Variants in NSF observed in about 807,000 individuals in gnomAD.
NSF encodes N-ethylmaleimide sensitive factor, vesicle fusing ATPase.
NSF carries 14 observed loss-of-function variants against 50.3 expected under a neutral mutation model. The observed-to-expected ratio is 0.28, with a 90% CI of 0.18 to 0.44. The LOEUF is 0.44. Ranked by LOEUF, NSF falls within the 20% of genes least tolerant of loss-of-function variation. The pLI, the probability that NSF is intolerant of heterozygous loss-of-function variation, is 1.00. For synonymous variants in NSF, 109 were observed against 175.7 expected, an observed-to-expected ratio of 0.62 and a Z score of 3.00; for missense variants, 218 against 504.3, an observed-to-expected ratio of 0.43 and a Z score of 5.44.
At chr17:46,723,478 A>G (rs1189487378) in intron 15 of NSF, among the ~76,000 whole-genome samples, 1 of 152,228 alleles carries the variant, frequency 6.6e-6, no homozygotes, top group African/African-American at 2.4e-5. Context: ...ACCAACTCAA[A>G]GCCAAAAGGA....
At chr17:46,749,675 A>G in intron 17 of NSF, 98 bp from the exon 18 acceptor site, 1 of 1,167,478 alleles carries the variant, frequency 8.6e-7, no homozygotes, top group South Asian at 1.9e-5. Context: ...CATCGGCAAG[A>G]TTAAATAAAA....
At chr17:46,711,827 T>G (rs2058722470) in intron 14 of NSF, among the ~76,000 whole-genome samples, 1 of 152,148 alleles carries the variant, frequency 6.6e-6, no homozygotes, top group African/African-American at 2.4e-5. Flanking sequence ...ATGAGGAGAC[T>G]CTGGCCAGCC....
intron 17 of NSF, among the ~76,000 whole-genome samples, chr17:46,739,540 G>A (rs2059047495): frequency 1.3e-5 from 2 of 151,398 alleles, no homozygotes; most frequent in East Asian, 1.9e-4. Context: ...ACCTTGTCTC[G>A]AAAAAAACAC....
rs554625542 is a variant in NSF, at chr17:46,609,770, G to A, written c.13-14474G>A. The stretch of plus-strand genomic sequence containing the variant: ...GGATGTAAGTCCGTAAGATCATGCA[G>A]CATTGAAGATGTGCAGTTTACTAGA... On this transcript the variant is annotated intron_variant, in intron 1 of 20. Transcript: ENST00000398238. Among the ~76,000 whole-genome samples, 164 of 143,810 alleles carry A rather than the reference G, an allele frequency of 1.1e-3. 5 individuals carry two copies. Among genetic ancestry groups the A allele is most frequent in the Middle Eastern group, 0.011 (3 of 284 alleles). The allele number at this position is 143,810 out of a possible 152,430, so 94.3% of individuals were successfully genotyped here. A position where few individuals can be genotyped will look rare whatever the true frequency, so the allele number is the denominator to read the frequency against.
intron 17 of NSF, among the ~76,000 whole-genome samples, chr17:46,735,600 G>A (rs1208560230): frequency 6.6e-6 from 1 of 152,046 alleles, no homozygotes; most frequent in African/African-American, 2.4e-5. Flanking sequence ...TACCTACTCT[G>A]TTGAGGGTCA....
chr17:46,742,927 G>T (rs141514460), intron 17 of NSF, among the ~76,000 whole-genome samples: 1 of 152,284 alleles, frequency 6.6e-6, no homozygotes, highest in African/African-American at 2.4e-5. Flanking sequence ...TTTCAAGAAT[G>T]AAGCCAGGTT....
At chr17:46,755,650 T>G in intron 20 of NSF, 152 bp from the exon 21 acceptor site, 1 of 828,362 alleles carries the variant, frequency 1.2e-6, no homozygotes, top group South Asian at 1.8e-5. Flanking sequence ...GACCATTTTC[T>G]TTTGTGAAGT....
chr17:46,720,739 T>C lies in NSF; in HGVS notation c.1762-5810T>C, dbSNP rs187160702. ...ATTCCTACAGTCATCAGATTTCTAC[T>C]AACTAGGTACTTCACGCCAAGTACT... On this transcript the variant is annotated intron_variant, in intron 15 of 20. Transcript: ENST00000398238. Among the ~76,000 whole-genome samples the C allele has an allele frequency of 2.0e-5, 3 of 152,336 alleles. No individual in the cohort carries two copies. In the East Asian group the frequency reaches 5.8e-4, roughly 29 times the overall value.
At position 46,755,924 on chromosome 17, in the gene NSF, C is replaced by T. The variant is rs1387590081; in HGVS notation, c.*101C>T. 4.4e-6 allele frequency: 5 copies of T among 1,139,356 alleles called. No homozygotes were observed. Among genetic ancestry groups the T allele is most frequent in the African/African-American group, 1.5e-5 (1 of 65,064 alleles). The allele number at this position is 1,139,356 out of a possible 1,614,324, so 70.6% of individuals were successfully genotyped here. A position where few individuals can be genotyped will look rare whatever the true frequency, so the allele number is the denominator to read the frequency against. ...ACTCAAGATACTGGACTAAGTGGAACGTTCTCTACCTTCAACATGTGCTCG... is the reference window on the plus strand; with the variant it reads ...ACTCAAGATACTGGACTAAGTGGAATGTTCTCTACCTTCAACATGTGCTCG... On this transcript the variant is annotated 3_prime_UTR_variant, in exon 21 of 21. Transcript: ENST00000398238.
At chr17:46,726,884 A>G (rs2058894852) in intron 16 of NSF, among the ~76,000 whole-genome samples, 1 of 152,180 alleles carries the variant, frequency 6.6e-6, no homozygotes, top group Non-Finnish European at 1.5e-5. Context: ...TGCCCTTGCC[A>G]TAGTAAATGA....
rs1456781221 is a variant in NSF, at chr17:46,719,128, G to T, written c.1761+5142G>T. Among the ~76,000 whole-genome samples the T allele has an allele frequency of 1.3e-5, 2 of 152,122 alleles. No homozygotes were observed. Among genetic ancestry groups the T allele is most frequent in the Admixed American group, 1.3e-4 (2 of 15,278 alleles). Reference sequence around the variant, plus strand: ...TTGCCAGTTGGATAAGCAGAAGGTTGGCATTTAGTTATTTCTTTAGCTACA... The same window carrying T: ...TTGCCAGTTGGATAAGCAGAAGGTTTGCATTTAGTTATTTCTTTAGCTACA... On this transcript the variant is annotated intron_variant, in intron 15 of 20. Coordinates refer to ENST00000398238, the MANE Select transcript of NSF (RefSeq NM_006178.4). This position sits in a 1 kb window ranked among gnomAD's most constrained non-coding sequence, Gnocchi z 4.3.
At position 46,635,777 on chromosome 17, in the gene NSF, A is replaced by ATGTGTGTGTGTGTGTGTG. The variant is rs148930686; in HGVS notation, c.239-1574_239-1557dup. Among the ~76,000 whole-genome samples the ATGTGTGTGTGTGTGTGTG allele has an allele frequency of 9.3e-3, 1,089 of 116,604 alleles. 6 individuals are homozygous for ATGTGTGTGTGTGTGTGTG. Among genetic ancestry groups the ATGTGTGTGTGTGTGTGTG allele is most frequent in the East Asian group, 0.023 (115 of 4,902 alleles). The allele number at this position is 116,604 out of a possible 152,430, so 76.5% of individuals were successfully genotyped here. A position where few individuals can be genotyped will look rare whatever the true frequency, so the allele number is the denominator to read the frequency against. ...TTCAGGGAACCTAAAGGGAAAATAA[A>ATGTGTGTGTGTGTGTGTG]TGTGTGTGTGTGTGTGTGTGTGTGT... On this transcript the variant is annotated intron_variant, in intron 4 of 20. Coordinates refer to ENST00000398238, the MANE Select transcript of NSF (RefSeq NM_006178.4).
chr17:46,739,227 C>T (rs935804760), intron 17 of NSF, among the ~76,000 whole-genome samples: 6 of 152,030 alleles, frequency 3.9e-5, no homozygotes, highest in Non-Finnish European at 7.4e-5. Context: ...AAAAATTAGC[C>T]AGGCATGGTG....
chr17:46,614,406 GACAA>G (rs1465247032), intron 1 of NSF, among the ~76,000 whole-genome samples: 3 of 48,196 alleles, frequency 6.2e-5, no homozygotes, highest in Non-Finnish European at 9.2e-5. Context: ...AACATAGCAA[GACAA>G]ACAAATGAAA....
At chr17:46,747,008 G>C (rs546302379) in intron 17 of NSF, among the ~76,000 whole-genome samples, 39 of 152,280 alleles carry the variant, frequency 2.6e-4, no homozygotes, top group Non-Finnish European at 5.0e-4. Flanking sequence ...CTTTGGGAAG[G>C]AGACTGGAAG....
chr17:46,717,038 T>C (rs543760935), intron 15 of NSF, among the ~76,000 whole-genome samples: 9 of 152,316 alleles, frequency 5.9e-5, no homozygotes, highest in Non-Finnish European at 7.3e-5. Flanking sequence ...GAGTTATCTA[T>C]ACTCCCAAGT....
At chr17:46,673,951 G>A (rs2058387367) in intron 8 of NSF, among the ~76,000 whole-genome samples, 1 of 16,974 alleles carries the variant, frequency 5.9e-5, no homozygotes, top group African/African-American at 1.3e-4. Context: ...GTGTGTGTGT[G>A]TGTATACACA....
intron 15 of NSF, 138 bp from the exon 16 acceptor site, chr17:46,726,411 A>C (rs930629088): frequency 1.3e-6 from 1 of 785,262 alleles, no homozygotes; most frequent in East Asian, 2.5e-5. Flanking sequence ...CAGTGTGTCA[A>C]TTCTAATTTA....
rs753188821 is a variant in NSF at position 46,692,964 on chromosome 17, A to G, written c.1007A>G (p.Gln336Arg). Residue 336 changes from glutamine (Q) to arginine (R), a missense_variant, in exon 10 of 21, where the codon CAG (glutamine) becomes CGG (arginine). Around this residue, in one of 2 missense-constraint regions of NSF, gnomAD observed 9 missense variants for 183.4 expected, o/e 0.05. Transcript: ENST00000398238. ...GATGAAATTGATGCCATCTGCAAGCAGAGAGGGAGCATGGCTGGTAGCACG... is the reference window on the plus strand; with the variant it reads ...GATGAAATTGATGCCATCTGCAAGCGGAGAGGGAGCATGGCTGGTAGCACG... ...IFDEIDAICK[Q>R]RGSMAGSTGV... 1.9e-6 allele frequency: 3 copies of G among 1,566,616 alleles called. No individual in the cohort carries two copies. The South Asian group carries it at 3.4e-5, about 18-fold the overall frequency.
Sources: gnomAD v4.1 joint callset for allele counts (sites outside exome capture counted in the v4.1 genomes callset) on GRCh38, gnomAD v4.1.1 for gene constraint, gnomAD v4.1.1 regional missense constraint, Gnocchi (gnomAD v3.1) non-coding constraint, MANE v1.5 for transcripts, NCBI Gene and HGNC (gene_info 2026-07-23, HGNC 2026-07-21) for gene names.